The following IGSF5 variants were observed in gnomAD, a reference collection of about 807,000 sequenced individuals.
IGSF5 encodes the protein immunoglobulin superfamily member 5, also known as immunoglobulin superfamily 5 like.
In IGSF5, 41 loss-of-function variants were observed where a neutral mutation model predicts 39.4. That is an observed-to-expected ratio of 1.04 (90% CI 0.81 to 1.35). The LOEUF (loss-of-function observed/expected upper bound fraction) is 1.35. Ranked by LOEUF, IGSF5 falls within the 40% of genes most tolerant of loss-of-function variation. The pLI, the probability that IGSF5 is intolerant of heterozygous loss-of-function variation, is 0.00. For synonymous variants in IGSF5, 183 were observed against 175.3 expected, an observed-to-expected ratio of 1.04 and a Z score of -0.34; for missense variants, 487 against 494.6, an observed-to-expected ratio of 0.98 and a Z score of 0.15.
At chr21:39,761,143 T>A (rs942409513) in intron 2 of IGSF5, among the ~76,000 whole-genome samples, 2 of 151,934 alleles carry the variant, frequency 1.3e-5, no homozygotes, top group Non-Finnish European at 2.9e-5. Flanking sequence ...TCAACAAAAG[T>A]AAACAATGGG....
the IGSF5 span, among the ~76,000 whole-genome samples, chr21:39,727,248 G>A: frequency 6.6e-6 from 1 of 152,228 alleles, no homozygotes; most frequent in African/African-American, 2.4e-5. Flanking sequence ...GGCAGCTTCT[G>A]CTGAGGTTCA....
At position 39,779,198 on chromosome 21, in the gene IGSF5, T is replaced by G; in HGVS notation, c.827T>G (p.Leu276Arg). Residue 276 changes from leucine (L) to arginine (R), a missense_variant, in exon 5 of 9, where the codon CTT becomes CGT. Transcript: ENST00000380588. ...GGACTTGGACTAGCAGGCACCATGC[T>G]TCTGACGCCGACGTGTACTCTTACA... ...KVGLGLAGTM[L>R]LTPTCTLTIR... The G allele has an allele frequency of 6.2e-7, 1 of 1,614,156 alleles. No homozygotes were observed. The highest frequency in any genetic ancestry group is 2.2e-5 in the East Asian group (1 of 44,880).
rs370066391 is a variant in IGSF5 at position 39,745,396 on chromosome 21, T to C, written c.-114T>C. Reference sequence around the variant, plus strand: ...TGGAGATACAACCTGCTAGAGGAAATGAAAGTCTGAACCATTAGTACCTAG... The same window carrying C: ...TGGAGATACAACCTGCTAGAGGAAACGAAAGTCTGAACCATTAGTACCTAG... On this transcript the variant is annotated 5_prime_UTR_variant, in exon 1 of 9. It removes an upstream start codon present in the reference 5' UTR. Transcript: ENST00000380588. The C allele has an allele frequency of 1.1e-4, 70 of 644,550 alleles. No homozygotes were observed. The highest frequency in any genetic ancestry group is 7.7e-4 in the Admixed American group (33 of 42,890). 39.9% of individuals were successfully genotyped at this position (644,550 alleles called of 1,614,324 possible).
chr21:39,768,211 A>G (rs1008399795), intron 3 of IGSF5, among the ~76,000 whole-genome samples: 1 of 152,084 alleles, frequency 6.6e-6, no homozygotes, highest in African/African-American at 2.4e-5. Flanking sequence ...TCCTCATCTC[A>G]TTGCTCTGAA....
intron 3 of IGSF5, among the ~76,000 whole-genome samples, chr21:39,766,583 G>T (rs1360363824): frequency 6.6e-6 from 1 of 152,118 alleles, no homozygotes; most frequent in Non-Finnish European, 1.5e-5. Flanking sequence ...TCAAGTCATT[G>T]AGAGAAAAGA....
the IGSF5 span, among the ~76,000 whole-genome samples, chr21:39,726,515 A>C: frequency 6.6e-6 from 1 of 151,746 alleles, no homozygotes; most frequent in African/African-American, 2.4e-5. Flanking sequence ...GTGCTCAGGC[A>C]GTGGCTGTGG....
upstream of IGSF5, among the ~76,000 whole-genome samples, chr21:39,741,956 G>C (rs1042034522): frequency 6.6e-5 from 10 of 152,058 alleles, no homozygotes; most frequent in Non-Finnish European, 1.3e-4. Context: ...AGGGGCTACT[G>C]TATGGTTTTA....
the IGSF5 span, chr21:39,730,098 TG>T: frequency 6.6e-6 from 1 of 152,246 alleles, no homozygotes; most frequent in African/African-American, 2.4e-5. Flanking sequence ...GGCAGGGTCA[TG>T]GCCCCTCTGA....
At chr21:39,726,637 C>G in the IGSF5 span, among the ~76,000 whole-genome samples, 1 of 152,150 alleles carries the variant, frequency 6.6e-6, no homozygotes, top group Non-Finnish European at 1.5e-5. Flanking sequence ...CCTGGGGGAC[C>G]AGCAAACACT....
chr21:39,764,618 G>T (rs935668325), intron 2 of IGSF5, among the ~76,000 whole-genome samples: 3 of 152,194 alleles, frequency 2.0e-5, no homozygotes, highest in African/African-American at 7.2e-5. Context: ...GGGATTACAG[G>T]TGTGAACCAC....
Position 39,778,093 on chromosome 21 carries a change from T to G in IGSF5, c.719-997T>G, listed in dbSNP as rs573082827. ...ACAATTCACAATTAAACAGATCAAC[T>G]TAAATGTGTGTGGTTTGACTTCAGC... On this transcript the variant is annotated intron_variant, in intron 4 of 8. Coordinates refer to ENST00000380588, the MANE Select transcript of IGSF5 (RefSeq NM_001080444.2). 1.1e-4 allele frequency among the ~76,000 whole-genome samples: 17 copies of G among 152,274 alleles called. No individual in the cohort carries two copies. In the East Asian group the frequency reaches 2.1e-3, roughly 19 times the overall value.
At chr21:39,747,954 A>C (rs1342474244) in intron 2 of IGSF5, among the ~76,000 whole-genome samples, 1 of 151,794 alleles carries the variant, frequency 6.6e-6, no homozygotes, top group Non-Finnish European at 1.5e-5. Context: ...AAAAAAAACA[A>C]CCGATTCCTG....
At chr21:39,757,285 T>C (rs2080036020) in intron 2 of IGSF5, among the ~76,000 whole-genome samples, 2 of 143,970 alleles carry the variant, frequency 1.4e-5, no homozygotes, top group African/African-American at 5.1e-5. Flanking sequence ...GCCTTTCCTT[T>C]TGAGAATGTG....
chr21:39,744,723 G>A (rs761200156), upstream of IGSF5, among the ~76,000 whole-genome samples: 5 of 152,226 alleles, frequency 3.3e-5, no homozygotes, highest in Non-Finnish European at 7.3e-5. Context: ...AGATTTTTGA[G>A]TTAGTAAGCT....
At chr21:39,767,570 CAT>C (rs1324638929) in intron 3 of IGSF5, among the ~76,000 whole-genome samples, 2 of 152,186 alleles carry the variant, frequency 1.3e-5, no homozygotes, top group African/African-American at 4.8e-5. Context: ...ACACCTGGCT[CAT>C]AGCAATCACT....
At chr21:39,761,939 A>G (rs1488605447) in intron 2 of IGSF5, among the ~76,000 whole-genome samples, 1 of 152,132 alleles carries the variant, frequency 6.6e-6, no homozygotes, top group Non-Finnish European at 1.5e-5. Context: ...AAGTGCTAAG[A>G]TTACAGGTGT....
At chr21:39,756,661 G>T (rs1333339769) in intron 2 of IGSF5, among the ~76,000 whole-genome samples, 1 of 152,180 alleles carries the variant, frequency 6.6e-6, no homozygotes, top group African/African-American at 2.4e-5. Context: ...TTGCAATAAA[G>T]AGACCCTTTC....
intron 6 of IGSF5, among the ~76,000 whole-genome samples, chr21:39,789,301 T>C (rs199599941): frequency 9.8e-5 from 15 of 152,336 alleles, no homozygotes; most frequent in East Asian, 5.8e-4. Flanking sequence ...CTATAGAATA[T>C]GACACTGGGA....
the IGSF5 span, chr21:39,729,342 C>G: frequency 6.6e-6 from 1 of 152,258 alleles, no homozygotes; most frequent in Non-Finnish European, 1.5e-5. Context: ...TCCACCATGA[C>G]CATGCCTAGA....
Sources: allele counts gnomAD v4.1 joint callset (sites outside exome capture counted in the v4.1 genomes callset), GRCh38; gene constraint gnomAD v4.1.1; transcripts MANE v1.5; gene names NCBI Gene and HGNC (gene_info 2026-07-23, HGNC 2026-07-21).